The following KIFAP3 variants were observed in gnomAD, a reference collection of about 807,000 sequenced individuals.
The protein encoded by KIFAP3 is kinesin associated protein 3.
A neutral mutation model predicts 106.5 loss-of-function variants in KIFAP3; 68 were observed. The observed-to-expected ratio is 0.64, with a 90% CI of 0.53 to 0.78. KIFAP3 has a LOEUF of 0.78. Among genes scored for constraint, KIFAP3 ranks in the 30% least tolerant of loss-of-function variants. The pLI is 0.00. For synonymous variants in KIFAP3, 320 were observed against 311.5 expected, an observed-to-expected ratio of 1.03 and a Z score of -0.29; for missense variants, 780 against 941.8, an observed-to-expected ratio of 0.83 and a Z score of 2.25.
At chr1:169,935,171 A>G (rs1487713976) in intron 19 of KIFAP3, among the ~76,000 whole-genome samples, 2 of 152,110 alleles carry the variant, frequency 1.3e-5, no homozygotes, top group African/African-American at 2.4e-5. Flanking sequence ...TATCACCTCA[A>G]AAAATATCTC....
chr1:169,998,779 T>C (rs1033266206), intron 10 of KIFAP3, among the ~76,000 whole-genome samples: 2 of 152,206 alleles, frequency 1.3e-5, no homozygotes, highest in African/African-American at 4.8e-5. Flanking sequence ...TTCTAAATAA[T>C]TTCAATATAT....
At chr1:169,982,942 T>C (rs2101911629) in intron 13 of KIFAP3, 75 bp from the exon 14 acceptor site, 1 of 821,138 alleles carries the variant, frequency 1.2e-6, no homozygotes, top group East Asian at 3.4e-5. Flanking sequence ...AATCTAACAA[T>C]TTAACTCATT....
chr1:170,038,173 T>A, intron 5 of KIFAP3, 117 bp downstream of exon 5: 1 of 805,748 alleles, frequency 1.2e-6, no homozygotes, highest in Non-Finnish European at 1.9e-6. Flanking sequence ...ACTCTCAATT[T>A]AAGAAATCTG....
intron 1 of KIFAP3, among the ~76,000 whole-genome samples, chr1:170,070,512 T>A (rs1173457773): frequency 6.6e-6 from 1 of 152,062 alleles, no homozygotes; most frequent in Non-Finnish European, 1.5e-5. Flanking sequence ...GTCATTTAAT[T>A]TTCAAAAAAA....
At chr1:170,080,806 T>C (rs1336302024) in intron 1 of KIFAP3, among the ~76,000 whole-genome samples, 1 of 152,150 alleles carries the variant, frequency 6.6e-6, no homozygotes, top group African/African-American at 2.4e-5. Flanking sequence ...CATTTTATCA[T>C]GTGTGTAAAT....
chr1:170,033,436 A>G (rs1027504773), intron 7 of KIFAP3, among the ~76,000 whole-genome samples: 2 of 151,796 alleles, frequency 1.3e-5, no homozygotes, highest in East Asian at 3.8e-4. Flanking sequence ...TAAAGTTTTC[A>G]CTTTTTAAAA....
At chr1:170,081,657 C>A (rs769305942) in intron 1 of KIFAP3, among the ~76,000 whole-genome samples, 1 of 152,210 alleles carries the variant, frequency 6.6e-6, no homozygotes, top group Non-Finnish European at 1.5e-5. Flanking sequence ...GGTCCTTCTT[C>A]TCTTATCACA....
At chr1:169,951,428 G>GATA (rs1297060704) in intron 19 of KIFAP3, among the ~76,000 whole-genome samples, 5 of 151,780 alleles carry the variant, frequency 3.3e-5, no homozygotes, top group Non-Finnish European at 7.4e-5. Context: ...ATATTACTGG[G>GATA]ATATGTCTTT....
chr1:169,923,130 T>A, intron 19 of KIFAP3: 1 of 983,140 alleles, frequency 1.0e-6, no homozygotes. Context: ...GGTTAGCATT[T>A]GTACTGAGCG....
chr1:169,996,954 A>G (rs1272129730), intron 10 of KIFAP3, among the ~76,000 whole-genome samples: 1 of 152,174 alleles, frequency 6.6e-6, no homozygotes, highest in Non-Finnish European at 1.5e-5. Flanking sequence ...AGTTTTGAGG[A>G]CTAGACCTAC....
In KIFAP3 at chr1:169,921,687, A is replaced by G; in HGVS notation, c.2368T>C (p.Tyr790His). The change falls in exon 20 of 20, where the codon TAT becomes CAT. Residue 790 changes from tyrosine (Y) to histidine (H), a missense_variant. By Grantham distance (83) the Tyr-to-His change is moderately conservative. Around this residue, in one of 3 missense-constraint regions of KIFAP3, gnomAD observed 114 missense variants for 122.3 expected, o/e 0.93. Coordinates refer to ENST00000361580, the MANE Select transcript of KIFAP3 (RefSeq NM_014970.4). Reference sequence around the variant, plus strand: ...AAACAGATACTTTATCAAGATCCATAGCCATAGTAGTAAGGTTCATCAGGG... The same window carrying G: ...AAACAGATACTTTATCAAGATCCATGGCCATAGTAGTAAGGTTCATCAGGG... The part of the protein sequence containing the change: ...FRPDEPYYYG[Y>H]GS The G allele has an allele frequency of 1.2e-6, 2 of 1,611,392 alleles. No homozygotes were observed. Among genetic ancestry groups the G allele is most frequent in the Non-Finnish European group, 1.7e-6 (2 of 1,177,574 alleles).
At chr1:170,084,052 T>A (rs900443508) in intron 1 of KIFAP3, among the ~76,000 whole-genome samples, 6 of 152,212 alleles carry the variant, frequency 3.9e-5, no homozygotes, top group African/African-American at 1.4e-4. Flanking sequence ...AGTACAAAGA[T>A]GCCTAACACC....
In KIFAP3 at chr1:170,016,440, CATT is replaced by C; in HGVS notation, c.1183+19_1183+21del. On this transcript the variant is annotated intron_variant, in intron 10 of 19. Transcript: ENST00000361580. ...TGTTGGAAATTCCAGACAACACTGTCATTAATTTCTAAAAAGCATACCTAGGAG... is the reference window on the plus strand; with the variant it reads ...TGTTGGAAATTCCAGACAACACTGTCAATTTCTAAAAAGCATACCTAGGAG... 1 of 1,576,050 alleles carries C rather than the reference CATT, an allele frequency of 6.3e-7. No individual in the cohort carries two copies. Among genetic ancestry groups the C allele is most frequent in the Non-Finnish European group, 8.6e-7 (1 of 1,163,818 alleles).
chr1:169,939,592 G>A (rs536580704), intron 19 of KIFAP3, among the ~76,000 whole-genome samples: 1 of 152,254 alleles, frequency 6.6e-6, no homozygotes, highest in African/African-American at 2.4e-5. Context: ...GGTGTGGTGG[G>A]TGCAGTTAGA....
In KIFAP3 at chr1:170,041,764, CT is replaced by C. The variant is rs1557858246; in HGVS notation, c.320-2477del. The C allele has an allele frequency of 2.0e-6, 3 of 1,533,578 alleles. No homozygotes were observed. The Admixed American group carries it at 5.9e-5, about 30-fold the overall frequency. 95.0% of individuals were successfully genotyped at this position (1,533,578 alleles called of 1,614,324 possible). A position where few individuals can be genotyped will look rare whatever the true frequency, so the allele number is the denominator to read the frequency against. ...GTGTTGCCAAGGGCAATCGACATCCCTTTTGCCTTCTCCTGATCTGTTGGCC... is the reference window on the plus strand; with the variant it reads ...GTGTTGCCAAGGGCAATCGACATCCCTTTGCCTTCTCCTGATCTGTTGGCC... On this transcript the variant is annotated intron_variant, in intron 3 of 19. Coordinates refer to ENST00000361580, the MANE Select transcript of KIFAP3 (RefSeq NM_014970.4).
At chr1:169,980,629 T>C (rs111553506) in intron 15 of KIFAP3, among the ~76,000 whole-genome samples, 7 of 152,294 alleles carry the variant, frequency 4.6e-5, no homozygotes, top group African/African-American at 1.7e-4. Flanking sequence ...GGACACCACA[T>C]ATATAGAACA....
intron 15 of KIFAP3, 126 bp from the exon 16 acceptor site, chr1:169,978,309 A>C: frequency 1.7e-6 from 1 of 600,962 alleles, no homozygotes; most frequent in Non-Finnish European, 2.9e-6. Context: ...GCAGAAATGG[A>C]TTTAACTTCT....
At chr1:170,029,673 G>A (rs148673926) in intron 8 of KIFAP3, among the ~76,000 whole-genome samples, 105 of 151,898 alleles carry the variant, frequency 6.9e-4, no homozygotes, top group East Asian at 2.9e-3. Flanking sequence ...AAAGATCAAA[G>A]TAGAAATCAA....
chr1:169,977,780 C>T (rs944086259), intron 16 of KIFAP3, among the ~76,000 whole-genome samples: 1 of 151,896 alleles, frequency 6.6e-6, no homozygotes, highest in Non-Finnish European at 1.5e-5. Context: ...AGAAAAGAAC[C>T]AAGAATAGTC....
Sources: allele counts gnomAD v4.1 joint callset (sites outside exome capture counted in the v4.1 genomes callset), GRCh38; gene constraint gnomAD v4.1.1; regional missense constraint gnomAD v4.1.1; transcripts MANE v1.5; gene names NCBI Gene and HGNC (gene_info 2026-07-23, HGNC 2026-07-21).